ZNF512: variants seen among roughly 807,000 people sequenced by gnomAD.
The protein encoded by ZNF512 is zinc finger protein 512.
A neutral mutation model predicts 77.5 loss-of-function variants in ZNF512; 25 were observed. That is an observed-to-expected ratio of 0.32 (90% CI 0.23 to 0.45). The LOEUF is 0.45. Among genes scored for constraint, ZNF512 ranks in the 20% least tolerant of loss-of-function variants. The pLI is 1.00. For synonymous variants in ZNF512, 246 were observed against 239.9 expected (o/e 1.03, Z -0.24); for missense variants, 483 against 692.6 (o/e 0.70, Z 3.40).
rs921162931 is a variant in ZNF512 at position 27,621,915 on chromosome 2, T to G, written c.*454T>G. On this transcript the variant is annotated 3_prime_UTR_variant, in exon 14 of 14. Transcript: ENST00000355467. ...TTTTGTATTTGTGATATAACAAGTC[T>G]AGAAGTTAGAACTGTTGTCATTCAC... 24 of 161,498 alleles carry G rather than the reference T, an allele frequency of 1.5e-4. No individual in the cohort carries two copies. Among genetic ancestry groups the G allele is most frequent in the Admixed American group, 1.0e-3 (18 of 17,660 alleles). 10.0% of individuals were successfully genotyped at this position (161,498 alleles called of 1,614,324 possible). A position where few individuals can be genotyped will look rare whatever the true frequency, so the allele number is the denominator to read the frequency against.
intron 2 of ZNF512, among the ~76,000 whole-genome samples, chr2:27,596,166 C>T (rs1410872324): frequency 6.6e-6 from 1 of 152,096 alleles, no homozygotes; most frequent in East Asian, 1.9e-4. Context: ...TTGAGCTGTC[C>T]CAAACATGAA....
chr2:27,603,426 G>A, intron 9 of ZNF512, 119 bp downstream of exon 9: 1 of 1,056,948 alleles, frequency 9.5e-7, no homozygotes, highest in Non-Finnish European at 1.3e-6. Flanking sequence ...ATCTCTGAAT[G>A]CTTGTGTGTT....
chr2:27,602,988 G>T, intron 8 of ZNF512, 152 bp from the exon 9 acceptor site: 2 of 835,214 alleles, frequency 2.4e-6, no homozygotes, highest in East Asian at 4.9e-5. Context: ...GACAAGGAAG[G>T]GTTGTGCTGA....
rs139890307 is a variant in ZNF512, at chr2:27,592,667, CT to C, written c.90-5370del. ...TACCCATATAATTTACCATGTTTAC[CT>C]TTTTTTTTTTTTTTTTTTTTTTTTT... is the stretch of plus-strand genomic sequence containing the variant. On this transcript the variant is annotated intron_variant, in intron 2 of 13. Coordinates refer to ENST00000355467, the MANE Select transcript of ZNF512 (RefSeq NM_032434.4). Among the ~76,000 whole-genome samples, 181 of 81,536 alleles carry C rather than the reference CT, an allele frequency of 2.2e-3. 1 individual carries two copies. The highest frequency in any genetic ancestry group is 5.8e-3 in the African/African-American group (130 of 22,276). The allele number at this position is 81,536 out of a possible 152,430, so 53.5% of individuals were successfully genotyped here.
At chr2:27,617,235 T>A in intron 12 of ZNF512, 1 of 414,650 alleles carries the variant, frequency 2.4e-6, no homozygotes, top group Middle Eastern at 6.8e-4. Flanking sequence ...AGTAGGAGAC[T>A]TTCAGGTTGT....
chr2:27,606,622 A>C (rs941073511), intron 9 of ZNF512, among the ~76,000 whole-genome samples: 33 of 152,140 alleles, frequency 2.2e-4, no homozygotes, highest in Non-Finnish European at 4.3e-4. Flanking sequence ...CAGCCTCCCA[A>C]AGTTCTGGGA....
intron 9 of ZNF512, among the ~76,000 whole-genome samples, chr2:27,607,349 T>C (rs1489690197): frequency 6.6e-6 from 1 of 151,946 alleles, no homozygotes; most frequent in African/African-American, 2.4e-5. Flanking sequence ...TATACGAATG[T>C]GTCTTTTAAC....
chr2:27,605,344 C>T (rs1352258028), intron 9 of ZNF512, among the ~76,000 whole-genome samples: 1 of 151,994 alleles, frequency 6.6e-6, no homozygotes, highest in African/African-American at 2.4e-5. Flanking sequence ...GTCCCAGCTA[C>T]TTGGGAGGTT....
chr2:27,592,308 T>G (rs1419729508), intron 2 of ZNF512, among the ~76,000 whole-genome samples: 1 of 151,250 alleles, frequency 6.6e-6, no homozygotes, highest in Non-Finnish European at 1.5e-5. Flanking sequence ...TTTATTTATT[T>G]ATTTATTTTT....
intron 12 of ZNF512, 150 bp downstream of exon 12, chr2:27,616,474 C>G (rs1403369957): frequency 6.2e-6 from 4 of 641,384 alleles, no homozygotes; most frequent in Non-Finnish European, 1.1e-5. Flanking sequence ...GATTCTTGGT[C>G]TGGTATTGGG....
At chr2:27,592,351 G>C (rs1312571917) in intron 2 of ZNF512, among the ~76,000 whole-genome samples, 1 of 150,098 alleles carries the variant, frequency 6.7e-6, no homozygotes, top group African/African-American at 2.5e-5. Context: ...TCGCTCTGTA[G>C]CCCAGGGCAG....
intron 2 of ZNF512, 79 bp from the exon 3 acceptor site, chr2:27,597,988 C>G (rs1375346872): frequency 6.5e-6 from 8 of 1,233,572 alleles, no homozygotes; most frequent in Non-Finnish European, 5.5e-6. Flanking sequence ...AGGTAACCAA[C>G]TTGGTTATAA....
chr2:27,599,787 C>A (rs1672035858), intron 4 of ZNF512, 109 bp downstream of exon 4: 7 of 1,199,834 alleles, frequency 5.8e-6, no homozygotes, highest in Non-Finnish European at 7.2e-6. Flanking sequence ...CCTCTGAGCC[C>A]TTTGAATTGT....
rs1305623197 is a variant in ZNF512 at position 27,583,678 on chromosome 2, T to A, written c.51T>A (p.Phe17Leu). 1 of 1,614,074 alleles carries A rather than the reference T, an allele frequency of 6.2e-7. No homozygotes were observed. The highest frequency in any genetic ancestry group is 8.5e-7 in the Non-Finnish European group (1 of 1,180,048). ...GCTAGACTTCGGGACCCACAACCTT[T>A]AAGCAGCAGAGGAGCACGAGGATCG... ...AVPATSGPTT[F>L]KQQRSTRIVG... Residue 17 changes from phenylalanine to leucine, a missense_variant, in exon 2 of 14, where the codon TTT (phenylalanine) becomes TTA (leucine). Phe to Leu is a conservative substitution (Grantham distance 22). This residue lies in a region of ZNF512 where 159 missense variants were observed against 167.5 expected (regional missense o/e 0.95). Coordinates refer to ENST00000355467, the MANE Select transcript of ZNF512 (RefSeq NM_032434.4).
At position 27,599,435 on chromosome 2, in the gene ZNF512, T is replaced by TA. The variant is rs377325342; in HGVS notation, c.278-143dup. 20 of 611,606 alleles carry TA rather than the reference T, an allele frequency of 3.3e-5. No homozygotes were observed. In the African/African-American group the frequency reaches 3.5e-4, roughly 11 times the overall value. 37.9% of individuals were successfully genotyped at this position (611,606 alleles called of 1,614,324 possible). ...TAATGAGAAGTTACACCAACTTCTC[T>TA]AAAAATGTCACAGACATTTCTCTGA... On this transcript the variant is annotated intron_variant, in intron 3 of 13. Coordinates refer to ENST00000355467, the MANE Select transcript of ZNF512 (RefSeq NM_032434.4).
At chr2:27,586,706 C>T (rs1251571232) in intron 2 of ZNF512, among the ~76,000 whole-genome samples, 8 of 152,176 alleles carry the variant, frequency 5.3e-5, no homozygotes, top group Non-Finnish European at 7.3e-5. Context: ...AAACCATTGC[C>T]ACAATCAAGA....
chr2:27,616,461 T>C, intron 12 of ZNF512, 137 bp downstream of exon 12: 3 of 683,004 alleles, frequency 4.4e-6, no homozygotes, highest in Non-Finnish European at 7.5e-6. Context: ...TTTATGTCTC[T>C]AAGATTCTTG....
chr2:27,608,027 T>A lies in ZNF512; in HGVS notation c.1119T>A (p.Pro373=). 6.4e-7 allele frequency: 1 copy of A among 1,572,956 alleles called. No individual in the cohort carries two copies. The highest frequency in any genetic ancestry group is 1.2e-5 in the South Asian group (1 of 84,068). Residue 373 remains proline (P), a synonymous_variant, in exon 10 of 14, where the codon CCT becomes CCA. Transcript: ENST00000355467. ...GGAAGGTGCTTCAGGACCTGGTACC[T>A]GATGATCGAAAGGTAAGGCAGAAAC... ...PKRKVLQDLV[P]DDRKLKYTRP... is the part of the protein sequence containing the mutation.
chr2:27,598,045 A>G (rs1181512802), intron 2 of ZNF512, 22 bp from the exon 3 acceptor site: 2 of 1,501,280 alleles, frequency 1.3e-6, no homozygotes, highest in Middle Eastern at 1.8e-4. Context: ...CCTTTGTGGT[A>G]TATATTTTTA....
Sources: gnomAD v4.1 joint callset for allele counts (sites outside exome capture counted in the v4.1 genomes callset) on GRCh38, gnomAD v4.1.1 for gene constraint, gnomAD v4.1.1 regional missense constraint, MANE v1.5 for transcripts, NCBI Gene and HGNC (gene_info 2026-07-23, HGNC 2026-07-21) for gene names.